IMMP2L: variants seen among roughly 807,000 people sequenced by gnomAD.
IMMP2L encodes inner mitochondrial membrane peptidase subunit 2, also known as mitochondrial inner membrane protease subunit 2.
IMMP2L carries 18 observed loss-of-function variants against 19.3 expected under a neutral mutation model. That is an observed-to-expected ratio of 0.93 (90% confidence interval 0.64 to 1.38). The LOEUF (loss-of-function observed/expected upper bound fraction) is 1.38, where lower values mean the gene tolerates loss of function less well. IMMP2L is among the 40% of genes most tolerant of loss of function. The pLI is 0.00. For missense variants in IMMP2L, 233 were observed against 218.2 expected (o/e 1.07, Z -0.43); for synonymous variants, 76 against 73.0 (o/e 1.04, Z -0.21).
intron 2 of IMMP2L, among the ~76,000 whole-genome samples, chr7:111,503,537 A>C (rs866190550): frequency 6.6e-6 from 1 of 152,168 alleles, no homozygotes; most frequent in African/African-American, 2.4e-5. Flanking sequence ...TTTTAGACCA[A>C]TATCCTTGAT....
At chr7:111,447,336 C>T (rs1050175214) in intron 3 of IMMP2L, among the ~76,000 whole-genome samples, 1 of 136,050 alleles carries the variant, frequency 7.4e-6, no homozygotes, top group African/African-American at 2.9e-5. Flanking sequence ...AAAGGGAAGC[C>T]CATCAGACTA....
intron 3 of IMMP2L, among the ~76,000 whole-genome samples, chr7:111,391,467 A>G (rs1832344810): frequency 6.6e-6 from 1 of 152,200 alleles, no homozygotes; most frequent in Admixed American, 6.5e-5. Context: ...ATCGTATCCA[A>G]GAAAGTAAGT....
At chr7:110,781,316 A>G (rs1799724664) in intron 5 of IMMP2L, among the ~76,000 whole-genome samples, 1 of 151,934 alleles carries the variant, frequency 6.6e-6, no homozygotes, top group South Asian at 2.1e-4. Flanking sequence ...ACAAATTCCC[A>G]GCATAGTGTG....
At chr7:110,951,357 A>G (rs1292116214) in intron 4 of IMMP2L, among the ~76,000 whole-genome samples, 1 of 152,174 alleles carries the variant, frequency 6.6e-6, no homozygotes, top group Non-Finnish European at 1.5e-5. Flanking sequence ...CAAAATTTAG[A>G]GCTATTCATT....
intron 5 of IMMP2L, among the ~76,000 whole-genome samples, chr7:110,845,488 A>C (rs1805571574): frequency 6.6e-6 from 1 of 152,098 alleles, no homozygotes; most frequent in Non-Finnish European, 1.5e-5. Flanking sequence ...GCCCGGGGTA[A>C]AATAAACTTT....
chr7:111,125,670 G>A (rs994639604), intron 3 of IMMP2L, among the ~76,000 whole-genome samples: 3 of 151,918 alleles, frequency 2.0e-5, no homozygotes, highest in African/African-American at 7.3e-5. Flanking sequence ...AGAAACTCTA[G>A]GAAATTATGT....
At chr7:111,257,748 C>A (rs117182695) in intron 3 of IMMP2L, among the ~76,000 whole-genome samples, 1,543 of 152,088 alleles carry the variant, frequency 0.01, 26 homozygotes, top group Non-Finnish European at 0.011. Flanking sequence ...ACAAAATATA[C>A]GGCCTATACA....
At chr7:111,173,014 C>T (rs902474753) in intron 3 of IMMP2L, among the ~76,000 whole-genome samples, 4 of 151,414 alleles carry the variant, frequency 2.6e-5, no homozygotes, top group African/African-American at 9.7e-5. Context: ...GCACCACATG[C>T]TATAGACAAA....
intron 4 of IMMP2L, among the ~76,000 whole-genome samples, chr7:110,922,501 G>T (rs1359210353): frequency 6.6e-6 from 1 of 152,010 alleles, no homozygotes; most frequent in Non-Finnish European, 1.5e-5. Context: ...TTTTAGCAGG[G>T]TTTTTGTTTG....
At chr7:110,956,204 T>C (rs914357982) in intron 4 of IMMP2L, among the ~76,000 whole-genome samples, 3 of 152,070 alleles carry the variant, frequency 2.0e-5, no homozygotes, top group Non-Finnish European at 4.4e-5. Flanking sequence ...TTTTACAATA[T>C]AGTCCTTAGA....
intron 2 of IMMP2L, among the ~76,000 whole-genome samples, chr7:111,499,405 G>A (rs948894094): frequency 6.6e-6 from 1 of 152,010 alleles, no homozygotes; most frequent in African/African-American, 2.4e-5. Flanking sequence ...CCCTTCCTAA[G>A]AGCCCCAAGG....
intron 5 of IMMP2L, among the ~76,000 whole-genome samples, chr7:110,813,165 A>T (rs1457473059): frequency 6.6e-6 from 1 of 152,074 alleles, no homozygotes; most frequent in Non-Finnish European, 1.5e-5. Flanking sequence ...AAAGAGGTAC[A>T]TGAAGAGTTT....
intron 3 of IMMP2L, among the ~76,000 whole-genome samples, chr7:111,465,704 G>C (rs923930826): frequency 6.6e-6 from 1 of 151,980 alleles, no homozygotes; most frequent in African/African-American, 2.4e-5. Flanking sequence ...TGGAGAAATA[G>C]GAACACTTTT....
intron 4 of IMMP2L, among the ~76,000 whole-genome samples, chr7:110,927,117 C>T (rs1814941043): frequency 6.6e-6 from 1 of 151,950 alleles, no homozygotes; most frequent in South Asian, 2.1e-4. Flanking sequence ...TTCCTTTCTC[C>T]TCCTCCTACC....
intron 5 of IMMP2L, among the ~76,000 whole-genome samples, chr7:110,769,960 G>GGGTTTC (rs1350132175): frequency 6.6e-6 from 1 of 152,048 alleles, no homozygotes; most frequent in Non-Finnish European, 1.5e-5. Context: ...CCGAACTGTT[G>GGGTTTC]GGTTTCATAA....
At chr7:110,988,321 C>G (rs1302985244) in intron 3 of IMMP2L, among the ~76,000 whole-genome samples, 1 of 152,176 alleles carries the variant, frequency 6.6e-6, no homozygotes, top group Non-Finnish European at 1.5e-5. Context: ...CAAGGTTAGC[C>G]TAGGAGTTGC....
intron 3 of IMMP2L, among the ~76,000 whole-genome samples, chr7:111,420,722 C>A (rs78777413): frequency 1.3e-5 from 2 of 151,630 alleles, no homozygotes; most frequent in African/African-American, 2.4e-5. Context: ...CACATCCCTG[C>A]CAATAACATG....
chr7:111,496,212 G>T (rs1386488387), intron 2 of IMMP2L, among the ~76,000 whole-genome samples: 1 of 152,084 alleles, frequency 6.6e-6, no homozygotes, highest in Non-Finnish European at 1.5e-5. Context: ...CTATTCAGGG[G>T]TCTCCATAAT....
At chr7:111,085,339 T>C (rs545056275) in intron 3 of IMMP2L, among the ~76,000 whole-genome samples, 1 of 152,236 alleles carries the variant, frequency 6.6e-6, no homozygotes, top group Non-Finnish European at 1.5e-5. Context: ...TCCAAAGCAG[T>C]TGAACTAATT....
Sources: gnomAD v4.1 joint callset for allele counts (sites outside exome capture counted in the v4.1 genomes callset) on GRCh38, gnomAD v4.1.1 for gene constraint, MANE v1.5 for transcripts, NCBI Gene and HGNC (gene_info 2026-07-23, HGNC 2026-07-21) for gene names.